NOTCH4: variants seen among roughly 807,000 people sequenced by gnomAD.
The protein encoded by NOTCH4 is notch receptor 4, also known as neurogenic locus notch homolog protein 4.
NOTCH4 carries 138 observed loss-of-function variants against 189.0 expected under a neutral mutation model. The observed-to-expected ratio is 0.73, with a 90% CI of 0.64 to 0.84. The LOEUF is 0.84. Ranked by LOEUF, NOTCH4 falls within the 40% of genes least tolerant of loss-of-function variation. The pLI, the probability that NOTCH4 is intolerant of heterozygous loss-of-function variation, is 0.00. For missense variants in NOTCH4, 2,286 were observed against 2,605.4 expected (o/e 0.88, Z 2.67); for synonymous variants, 942 against 1,032.8 (o/e 0.91, Z 1.69).
intron 19 of NOTCH4, 49 bp from the exon 20 acceptor site, chr6:32,203,931 C>T: frequency 6.6e-7 from 1 of 1,505,660 alleles, no homozygotes; most frequent in Non-Finnish European, 9.0e-7. Flanking sequence ...CAGTCACTGC[C>T]TCCATCCTAG....
In NOTCH4 at chr6:32,212,343, T is replaced by G. The variant is rs2269418; in HGVS notation, c.2680+131A>C. 4.3e-3 allele frequency: 3,498 copies of G among 804,876 alleles called. 133 individuals are homozygous for G. The East Asian group carries it at 0.079, about 18-fold the overall frequency. 49.9% of individuals were successfully genotyped at this position (804,876 alleles called of 1,614,324 possible). ...CAACACCTCTGCAATCAAGAACTGATTTGTCTGTGTGGTTTTGATTCTCAG... is the reference window on the plus strand; with the variant it reads ...CAACACCTCTGCAATCAAGAACTGAGTTGTCTGTGTGGTTTTGATTCTCAG... On this transcript the variant is annotated intron_variant, in intron 17 of 29. Coordinates refer to ENST00000375023, the MANE Select transcript of NOTCH4 (RefSeq NM_004557.4). This position sits in a 1 kb window ranked among gnomAD's most constrained non-coding sequence, Gnocchi z 4.4.
At position 32,194,963 on chromosome 6, in the gene NOTCH4, G is replaced by T. The variant is rs1787758278; in HGVS notation, c.*474C>A. The T allele has an allele frequency of 4.2e-6, 1 of 237,920 alleles. No homozygotes were observed. The allele number at this position is 237,920 out of a possible 1,614,324, so 14.7% of individuals were successfully genotyped here. A position where few individuals can be genotyped will look rare whatever the true frequency, so the allele number is the denominator to read the frequency against. On this transcript the variant is annotated 3_prime_UTR_variant, in exon 30 of 30. Transcript: ENST00000375023. This position sits in a 1 kb window ranked among gnomAD's most constrained non-coding sequence, Gnocchi z 4.5. Reference sequence around the variant, plus strand: ...GTTCTTTGTTGTGAGGGGAGGGAATGCAAGGAGTCATCAGCGGGGGTGGCC... The same window carrying T: ...GTTCTTTGTTGTGAGGGGAGGGAATTCAAGGAGTCATCAGCGGGGGTGGCC...
chr6:32,217,552 A>G lies in NOTCH4; in HGVS notation c.1625-286T>C, dbSNP rs1789492415. Among the ~76,000 whole-genome samples the G allele has an allele frequency of 6.6e-6, 1 of 152,240 alleles. No homozygotes were observed. Among genetic ancestry groups the G allele is most frequent in the Non-Finnish European group, 1.5e-5 (1 of 68,048 alleles). The stretch of plus-strand genomic sequence containing the variant: ...ACCTCATGGTACTGTTAAAAAGATT[A>G]AATGACATAACGCCTGAAAAGTACT... On this transcript the variant is annotated intron_variant, in intron 9 of 29. Transcript: ENST00000375023. The surrounding 1 kb of genome is among the most constrained non-coding windows in gnomAD (Gnocchi z 4.2).
At position 32,203,802 on chromosome 6, in the gene NOTCH4, A is replaced by C. The variant is rs1561922902; in HGVS notation, c.3199T>G (p.Ser1067Ala). ...CAGTGGCAGATGAAACCCAGGGGTGATCCTGCTGTGGCCTCACAGGTCCCT... is the reference window on the plus strand; with the variant it reads ...CAGTGGCAGATGAAACCCAGGGGTGCTCCTGCTGTGGCCTCACAGGTCCCT... ...HGGTCEATAGSPLGFICHCPK... is the reference protein window; with the variant it reads ...HGGTCEATAGAPLGFICHCPK... The change falls in exon 20 of 30, where the codon TCA becomes GCA. Residue 1067 changes from serine to alanine, a missense_variant. This residue lies in a region of NOTCH4 where 1,903 missense variants were observed against 2,261.9 expected (regional missense o/e 0.84). Transcript: ENST00000375023. The C allele has an allele frequency of 1.9e-6, 3 of 1,559,312 alleles. No homozygotes were observed. The highest frequency in any genetic ancestry group is 1.7e-6 in the Non-Finnish European group (2 of 1,151,200).
chr6:32,202,002 A>G lies in NOTCH4; in HGVS notation c.3755+74T>C. On this transcript the variant is annotated intron_variant, in intron 21 of 29. Coordinates refer to ENST00000375023, the MANE Select transcript of NOTCH4 (RefSeq NM_004557.4). The surrounding 1 kb of genome is among the most constrained non-coding windows in gnomAD (Gnocchi z 5.7). ...CAAGGCTGTGGCCACACTGTAACTC[A>G]GAGCCATCTACGTCCTTCCTCCTCC... 7.4e-7 allele frequency: 1 copy of G among 1,354,628 alleles called. No individual in the cohort carries two copies. The highest frequency in any genetic ancestry group is 9.7e-7 in the Non-Finnish European group (1 of 1,034,124). 83.9% of individuals were successfully genotyped at this position (1,354,628 alleles called of 1,614,324 possible). A position where few individuals can be genotyped will look rare whatever the true frequency, so the allele number is the denominator to read the frequency against.
rs762723808 is a variant in NOTCH4 at position 32,220,619 on chromosome 6, C to T, written c.945G>A (p.Val315=). Residue 315 remains valine, a synonymous_variant, in exon 6 of 30, where the codon GTG becomes GTA. Coordinates refer to ENST00000375023, the MANE Select transcript of NOTCH4 (RefSeq NM_004557.4). ...TWTGWDCSED[V]DECETQGPPH... is the part of the protein sequence containing the mutation. The stretch of plus-strand genomic sequence containing the variant: ...GGGGACCCTGGGTCTCACACTCATC[C>T]ACATCTTCGGAGCAGTCCCAGCCTG... 2.5e-6 allele frequency: 4 copies of T among 1,614,098 alleles called. No homozygotes were observed. Among genetic ancestry groups the T allele is most frequent in the Non-Finnish European group, 3.4e-6 (4 of 1,179,984 alleles).
Position 32,201,392 on chromosome 6 carries a change from A to G in NOTCH4, c.3864T>C (p.Asp1288=). 1 of 1,583,388 alleles carries G rather than the reference A, an allele frequency of 6.3e-7. No homozygotes were observed. Among genetic ancestry groups the G allele is most frequent in the Non-Finnish European group, 8.6e-7 (1 of 1,165,342 alleles). The change falls in exon 22 of 30, where the codon GAT becomes GAC. Residue 1288 remains aspartate, a synonymous_variant. Coordinates refer to ENST00000375023, the MANE Select transcript of NOTCH4 (RefSeq NM_004557.4). This position sits in a 1 kb window ranked among gnomAD's most constrained non-coding sequence, Gnocchi z 5.5. ...GWDGGDCRPE[D]GDPEWGPSLA... ...GGGAGGGCCCCCACTCTGGGTCCCCATCTTCAGGCCTGCAGTCACCTCCAT... is the reference window on the plus strand; with the variant it reads ...GGGAGGGCCCCCACTCTGGGTCCCCGTCTTCAGGCCTGCAGTCACCTCCAT...
In NOTCH4 at chr6:32,221,067, G is replaced by T. The variant is rs1205001362; in HGVS notation, c.710C>A (p.Pro237His). ...ATTCGAACAGCCCCTAGGAGGGCAG[G>T]GTCCTGCCCGCAGCTCACAACGTGG... ...EGPRCELRAG[P>H]CPPRGCSNGG... Residue 237 changes from proline to histidine, a missense_variant, in exon 4 of 30, where the codon CCC (proline) becomes CAC (histidine). Physicochemically the swap from Pro to His is moderately conservative, Grantham distance 77. Around this residue, in one of 2 missense-constraint regions of NOTCH4, gnomAD observed 1,903 missense variants for 2,261.9 expected, o/e 0.84. Transcript: ENST00000375023. The surrounding 1 kb of genome is among the most constrained non-coding windows in gnomAD (Gnocchi z 4.3). 1 of 1,613,090 alleles carries T rather than the reference G, an allele frequency of 6.2e-7. No individual in the cohort carries two copies. Among genetic ancestry groups the T allele is most frequent in the South Asian group, 1.1e-5 (1 of 91,080 alleles).
At chr6:32,219,016 C>T (rs900146699) in intron 8 of NOTCH4, among the ~76,000 whole-genome samples, 1 of 152,082 alleles carries the variant, frequency 6.6e-6, no homozygotes, top group Non-Finnish European at 1.5e-5. Flanking sequence ...ATAAAGTTGG[C>T]GATTATTTTT....
At position 32,210,769 on chromosome 6, in the gene NOTCH4, T is replaced by C; in HGVS notation, c.2848A>G (p.Ser950Gly). The C allele has an allele frequency of 6.2e-7, 1 of 1,612,500 alleles. No homozygotes were observed. Among genetic ancestry groups the C allele is most frequent in the Non-Finnish European group, 8.5e-7 (1 of 1,179,960 alleles). ...QNGATCMAQPSGYLCQCAPGY... is the reference protein window; with the variant it reads ...QNGATCMAQPGGYLCQCAPGY... ...CCTCTCACCTGGCAGAGATACCCAC[T>C]GGGCTGGGCCATGCAGGTGGCCCCG... is the stretch of plus-strand genomic sequence containing the variant. Residue 950 changes from serine to glycine, a missense_variant, in exon 18 of 30, where the codon AGT (serine) becomes GGT (glycine). Physicochemically the swap from Ser to Gly is moderately conservative, Grantham distance 56. Coordinates refer to ENST00000375023, the MANE Select transcript of NOTCH4 (RefSeq NM_004557.4). This position sits in a 1 kb window ranked among gnomAD's most constrained non-coding sequence, Gnocchi z 4.8.
At position 32,201,738 on chromosome 6, in the gene NOTCH4, C is replaced by T. The variant is rs1253471060; in HGVS notation, c.3756-238G>A. ...TACCCTCCCAAGCTCTCCTCTGTTT[C>T]TAAAGGAGAGTCCCAGGCCCTTTTC... On this transcript the variant is annotated intron_variant, in intron 21 of 29. Coordinates refer to ENST00000375023, the MANE Select transcript of NOTCH4 (RefSeq NM_004557.4). This position sits in a 1 kb window ranked among gnomAD's most constrained non-coding sequence, Gnocchi z 5.5. 4.8e-6 allele frequency: 2 copies of T among 419,766 alleles called. No homozygotes were observed. Among genetic ancestry groups the T allele is most frequent in the Non-Finnish European group, 8.3e-6 (2 of 242,242 alleles). 26.0% of individuals were successfully genotyped at this position (419,766 alleles called of 1,614,324 possible). A position where few individuals can be genotyped will look rare whatever the true frequency, so the allele number is the denominator to read the frequency against.
intron 20 of NOTCH4, chr6:32,203,302 G>GT (rs2127468462): frequency 6.4e-6 from 1 of 156,640 alleles, no homozygotes; most frequent in East Asian, 1.9e-4. Flanking sequence ...TTAAGTAGAT[G>GT]TAAGTTATTA....
At position 32,210,911 on chromosome 6, in the gene NOTCH4, G is replaced by A. The variant is rs1032421057; in HGVS notation, c.2706C>T (p.His902=). The A allele has an allele frequency of 1.9e-6, 3 of 1,603,990 alleles. No individual in the cohort carries two copies. The African/African-American group carries it at 4.0e-5, about 22-fold the overall frequency. Residue 902 remains histidine (H), a synonymous_variant, in exon 18 of 30, where the codon CAC becomes CAT. Transcript: ENST00000375023. The surrounding 1 kb of genome is among the most constrained non-coding windows in gnomAD (Gnocchi z 4.8). ...CGCTGTCGACACAGAGGCCTCCATT[G>A]TGGCAAAGGGAAGAGACGTCTATGC... ...SQGIDVSSLC[H]NGGLCVDSGP...
Position 32,217,262 on chromosome 6 carries a change from G to C in NOTCH4, c.1629C>G (p.Phe543Leu), listed in dbSNP as rs1440358986. The change falls in exon 10 of 30, where the codon TTC becomes TTG. Residue 543 changes from phenylalanine (F) to leucine (L), a missense_variant. Physicochemically the swap from Phe to Leu is conservative, Grantham distance 22. Transcript: ENST00000375023. The surrounding 1 kb of genome is among the most constrained non-coding windows in gnomAD (Gnocchi z 4.2). The part of the protein sequence containing the change: ...NGFQCICLPG[F>L]SGTRCEEDID... ...TATCCTCCTCACATCGGGTGCCGGA[G>C]AATCCTGGTGGGGCGGAAGTGGGTG... The C allele has an allele frequency of 6.2e-7, 1 of 1,611,050 alleles. No individual in the cohort carries two copies. The highest frequency in any genetic ancestry group is 8.5e-7 in the Non-Finnish European group (1 of 1,178,300).
At position 32,215,404 on chromosome 6, in the gene NOTCH4, T is replaced by C. The variant is rs764401036; in HGVS notation, c.1862-19A>G. ...AGCTGGCCTGGGGTGGGAAGATGGG[T>C]CAAAAAGAAAACAGCTCCTCCACAT... is the stretch of plus-strand genomic sequence containing the variant. On this transcript the variant is annotated intron_variant, in intron 11 of 29. Coordinates refer to ENST00000375023, the MANE Select transcript of NOTCH4 (RefSeq NM_004557.4). 1 of 1,586,858 alleles carries C rather than the reference T, an allele frequency of 6.3e-7. No individual in the cohort carries two copies. The highest frequency in any genetic ancestry group is 2.2e-5 in the East Asian group (1 of 44,516).
intron 8 of NOTCH4, among the ~76,000 whole-genome samples, 164 bp from the exon 9 acceptor site, chr6:32,218,272 C>T (rs954390068): frequency 1.3e-5 from 2 of 152,294 alleles, no homozygotes; most frequent in South Asian, 2.1e-4. Flanking sequence ...CCTGCTGCTT[C>T]GCAGTGTGTG....
chr6:32,216,014 C>A (rs1348448567), intron 11 of NOTCH4: 2 of 149,090 alleles, frequency 1.3e-5, no homozygotes, highest in Non-Finnish European at 1.5e-5. Flanking sequence ...GCCACCACGC[C>A]TGGCTAATTT....
At chr6:32,214,466 G>GATAT (rs1554151235) in intron 12 of NOTCH4, among the ~76,000 whole-genome samples, 130 of 116,732 alleles carry the variant, frequency 1.1e-3, no homozygotes, top group Middle Eastern at 4.6e-3. Flanking sequence ...TCTAGTTGGA[G>GATAT]ATATATATAT....
rs760034716 is a variant in NOTCH4, at chr6:32,196,147, G to A, written c.5302C>T (p.Gln1768Ter). 2 of 1,589,870 alleles carry A rather than the reference G, an allele frequency of 1.3e-6. No individual in the cohort carries two copies. Among genetic ancestry groups the A allele is most frequent in the Non-Finnish European group, 1.7e-6 (2 of 1,174,422 alleles). Reference sequence around the variant, plus strand: ...CGCGCCGCCAGGAATAGCGGCGTCTGCTCCTGTACAGAAGAGCCAGGGCCG... The same window carrying A: ...CGCGCCGCCAGGAATAGCGGCGTCTACTCCTGTACAGAAGAGCCAGGGCCG... ...ADKDAQDNRE[Q>*]TPLFLAAREG... Residue 1768 changes from glutamine (Q) to a stop codon, truncating the protein, a stop_gained, in exon 30 of 30, where the codon CAG (glutamine) becomes TAG (stop). Coordinates refer to ENST00000375023, the MANE Select transcript of NOTCH4 (RefSeq NM_004557.4). LOFTEE classifies it low-confidence loss of function (END_TRUNC).
Sources: allele counts gnomAD v4.1 joint callset (sites outside exome capture counted in the v4.1 genomes callset), GRCh38; gene constraint gnomAD v4.1.1; regional missense constraint gnomAD v4.1.1; non-coding constraint Gnocchi (gnomAD v3.1); transcripts MANE v1.5; gene names NCBI Gene and HGNC (gene_info 2026-07-23, HGNC 2026-07-21).